The following LRBA variants were observed in gnomAD, a reference collection of about 807,000 sequenced individuals.
LRBA encodes lipopolysaccharide-responsive and beige-like anchor protein.
LRBA carries 176 observed loss-of-function variants against 330.0 expected under a neutral mutation model. The observed-to-expected ratio is 0.53, with a 90% CI of 0.47 to 0.60. LRBA has a LOEUF of 0.60. Among genes scored for constraint, LRBA ranks in the 20% least tolerant of loss-of-function variants. The pLI, the probability that LRBA is intolerant of heterozygous loss-of-function variation, is 0.00. For missense variants in LRBA, 3,259 were observed against 3,444.8 expected, an observed-to-expected ratio of 0.95 and a Z score of 1.35; for synonymous variants, 1,230 against 1,193.0, an observed-to-expected ratio of 1.03 and a Z score of -0.64.
intron 9 of LRBA, among the ~76,000 whole-genome samples, chr4:150,910,921 C>G (rs944605050): frequency 1.3e-5 from 2 of 152,102 alleles, no homozygotes; most frequent in Non-Finnish European, 2.9e-5. Context: ...GAGTTTATTT[C>G]TAAGTATTTT....
chr4:150,354,956 ATG>A lies in LRBA; in HGVS notation c.7195-4799_7195-4798del, dbSNP rs1027167735. Among the ~76,000 whole-genome samples, 11 of 152,024 alleles carry A rather than the reference ATG, an allele frequency of 7.2e-5. No individual in the cohort carries two copies. In the South Asian group the frequency reaches 8.3e-4, roughly 11 times the overall value. ...TATGTGTGTGTGTGTGTATATATAT[ATG>A]TGTGTGTCTGTGTGCATGTTTAGCA... On this transcript the variant is annotated intron_variant, in intron 47 of 56. Coordinates refer to ENST00000651943, the MANE Select transcript of LRBA (RefSeq NM_001364905.1).
At chr4:150,981,239 T>C (rs550030136) in intron 2 of LRBA, among the ~76,000 whole-genome samples, 97 of 151,454 alleles carry the variant, frequency 6.4e-4, no homozygotes, top group African/African-American at 2.1e-3. Context: ...TAGTGAAACC[T>C]TGTCTCTACT....
chr4:150,984,042 C>T (rs959857849), intron 2 of LRBA, among the ~76,000 whole-genome samples: 1 of 152,190 alleles, frequency 6.6e-6, no homozygotes, highest in East Asian at 1.9e-4. Flanking sequence ...ACTGCCCACC[C>T]CCAACTCCAA....
chr4:150,871,603 T>C (rs1753451440), intron 18 of LRBA, 150 bp from the exon 19 acceptor site: 2 of 531,950 alleles, frequency 3.8e-6, no homozygotes, highest in South Asian at 2.7e-5. Context: ...AATCTAGAAC[T>C]TTTAAGGCCA....
At position 150,583,177 on chromosome 4, in the gene LRBA, C is replaced by T; in HGVS notation, c.6330+4871G>A. On this transcript the variant is annotated intron_variant, in intron 40 of 56. Coordinates refer to ENST00000651943, the MANE Select transcript of LRBA (RefSeq NM_001364905.1). This position sits in a 1 kb window ranked among gnomAD's most constrained non-coding sequence, Gnocchi z 9.8. ...GCTCAAGGAAGTGGAGGTGCAGGAG[C>T]CTCGCTTCATCAGCTCCTTGAGCGA... 1.2e-6 allele frequency: 2 copies of T among 1,614,180 alleles called. No individual in the cohort carries two copies. Among genetic ancestry groups the T allele is most frequent in the Non-Finnish European group, 1.7e-6 (2 of 1,180,028 alleles).
intron 13 of LRBA, among the ~76,000 whole-genome samples, chr4:150,901,753 T>C (rs2127139494): frequency 6.6e-6 from 1 of 152,350 alleles, no homozygotes; most frequent in South Asian, 2.1e-4. Context: ...TCATTATAAT[T>C]CACAAAACCA....
intron 40 of LRBA, among the ~76,000 whole-genome samples, chr4:150,566,480 A>G: frequency 6.6e-6 from 1 of 152,116 alleles, no homozygotes; most frequent in Non-Finnish European, 1.5e-5. Flanking sequence ...AGTAAAATAT[A>G]AAATAAAGAC....
intron 31 of LRBA, among the ~76,000 whole-genome samples, chr4:150,816,234 C>A (rs1357135777): frequency 6.6e-6 from 1 of 151,934 alleles, no homozygotes; most frequent in Non-Finnish European, 1.5e-5. Context: ...ATCCACCAGG[C>A]CATTCCTTCA....
intron 37 of LRBA, among the ~76,000 whole-genome samples, chr4:150,613,523 G>T (rs1775466642): frequency 6.6e-6 from 1 of 152,214 alleles, no homozygotes; most frequent in Non-Finnish European, 1.5e-5. Flanking sequence ...GCGGCATAAA[G>T]CAAGAAGTGC....
chr4:150,957,093 T>C (rs572477116), intron 2 of LRBA, among the ~76,000 whole-genome samples: 1 of 149,064 alleles, frequency 6.7e-6, no homozygotes, highest in East Asian at 1.9e-4. Context: ...ACAATGAACA[T>C]GCTTACTGCC....
In LRBA at chr4:150,852,066, G is replaced by C; in HGVS notation, c.3644C>G (p.Ala1215Gly). The change falls in exon 23 of 57, where the codon GCA becomes GGA. Residue 1215 changes from alanine to glycine, a missense_variant. Coordinates refer to ENST00000651943, the MANE Select transcript of LRBA (RefSeq NM_001364905.1). ...LGQMLEEGKK[A>G]TNLTRETKLI... ...TTTGGTTTCTCTAGTGAGGTTAGTT[G>C]CTTTCTTCCCTTCCTCCAGCATCTG... 1 of 1,614,124 alleles carries C rather than the reference G, an allele frequency of 6.2e-7. No individual in the cohort carries two copies. The highest frequency in any genetic ancestry group is 8.5e-7 in the Non-Finnish European group (1 of 1,179,992).
intron 31 of LRBA, among the ~76,000 whole-genome samples, chr4:150,816,651 C>T (rs1040641207): frequency 1.3e-5 from 2 of 151,676 alleles, no homozygotes; most frequent in Non-Finnish European, 2.9e-5. Flanking sequence ...CTTTCCAAGC[C>T]TCTAATTCAA....
intron 44 of LRBA, among the ~76,000 whole-genome samples, chr4:150,459,725 C>A (rs1403777734): frequency 6.6e-6 from 1 of 151,836 alleles, no homozygotes. Context: ...CAAGGCCAGA[C>A]AATGTAATTT....
intron 2 of LRBA, among the ~76,000 whole-genome samples, chr4:150,929,769 CT>C: frequency 6.6e-6 from 1 of 151,832 alleles, no homozygotes; most frequent in East Asian, 1.9e-4. Flanking sequence ...TTAGAATTAC[CT>C]TTGTAGAGCT....
intron 2 of LRBA, among the ~76,000 whole-genome samples, chr4:150,936,012 G>GA (rs931127629): frequency 1.3e-5 from 2 of 148,872 alleles, no homozygotes; most frequent in Admixed American, 6.7e-5. Context: ...TCAATTTGGT[G>GA]AAAAAAATGT....
intron 2 of LRBA, among the ~76,000 whole-genome samples, chr4:150,991,092 G>A (rs1742030833): frequency 1.3e-5 from 2 of 150,556 alleles, no homozygotes; most frequent in African/African-American, 4.9e-5. Context: ...AGAAAAAGAG[G>A]AGGAAGAGGA....
At chr4:150,644,450 G>A (rs1778951300) in intron 37 of LRBA, among the ~76,000 whole-genome samples, 1 of 151,926 alleles carries the variant, frequency 6.6e-6, no homozygotes, top group African/African-American at 2.4e-5. Context: ...TAATTAAACT[G>A]AGTTTCATTT....
At chr4:150,426,450 T>A (rs1031302314) in intron 46 of LRBA, among the ~76,000 whole-genome samples, 1 of 152,034 alleles carries the variant, frequency 6.6e-6, no homozygotes, top group Admixed American at 6.6e-5. Context: ...TTAAGTCTTG[T>A]CTACTCAACT....
chr4:150,891,965 G>A (rs898086408), intron 17 of LRBA, among the ~76,000 whole-genome samples: 2 of 152,210 alleles, frequency 1.3e-5, no homozygotes, highest in East Asian at 3.9e-4. Context: ...GGTGGCACAC[G>A]CCTGTAGTCC....
Sources: gnomAD v4.1 joint callset for allele counts (sites outside exome capture counted in the v4.1 genomes callset) on GRCh38, gnomAD v4.1.1 for gene constraint, Gnocchi (gnomAD v3.1) non-coding constraint, MANE v1.5 for transcripts, NCBI Gene and HGNC (gene_info 2026-07-23, HGNC 2026-07-21) for gene names.